Variants in TFAP2E observed in about 807,000 individuals in gnomAD.
TFAP2E encodes transcription factor AP-2-epsilon.
In TFAP2E, 30 loss-of-function variants were observed where a neutral mutation model predicts 37.9. The ratio of observed to expected loss-of-function variants is 0.79; its 90% CI spans 0.59 to 1.07. The LOEUF is 1.07. Ranked by LOEUF, TFAP2E falls within the 50% of genes least tolerant of loss-of-function variation. The pLI is 0.00. For synonymous variants in TFAP2E, 318 were observed against 295.8 expected, an observed-to-expected ratio of 1.08 and a Z score of -0.77; for missense variants, 567 against 637.9, an observed-to-expected ratio of 0.89 and a Z score of 1.20.
intron 6 of TFAP2E, among the ~76,000 whole-genome samples, chr1:35,592,180 G>T (rs1405926295): frequency 1.3e-5 from 2 of 151,968 alleles, no homozygotes; most frequent in Non-Finnish European, 2.9e-5. Context: ...AGCTACTTGG[G>T]AGGCTGAGGT....
In TFAP2E at chr1:35,577,262, C is replaced by T. The variant is rs1037987419; in HGVS notation, c.562+2262C>T. 2.4e-6 allele frequency: 1 copy of T among 412,768 alleles called. No homozygotes were observed. The highest frequency in any genetic ancestry group is 2.0e-5 in the African/African-American group (1 of 49,246). The allele number at this position is 412,768 out of a possible 1,614,324, so 25.6% of individuals were successfully genotyped here. ...GCTGCGGCGGCGAGGCAGGTGGGCT[C>T]CTTGCTCCCTGGAGCCGCCCCTCCC... On this transcript the variant is annotated intron_variant, in intron 3 of 6. Transcript: ENST00000373235. The surrounding 1 kb of genome is among the most constrained non-coding windows in gnomAD (Gnocchi z 6.3).
intron 6 of TFAP2E, among the ~76,000 whole-genome samples, chr1:35,592,684 C>T (rs369133787): frequency 2.2e-4 from 33 of 152,296 alleles, no homozygotes; most frequent in African/African-American, 7.7e-4. Context: ...TGAGCCACCA[C>T]GCCCAGCCAA....
In TFAP2E at chr1:35,573,494, GCTC is replaced by G; in HGVS notation, c.-82_-80del. 1.4e-6 allele frequency: 2 copies of G among 1,395,012 alleles called. No homozygotes were observed. Among genetic ancestry groups the G allele is most frequent in the African/African-American group, 1.5e-5 (1 of 65,318 alleles). 86.4% of individuals were successfully genotyped at this position (1,395,012 alleles called of 1,614,324 possible). A position where few individuals can be genotyped will look rare whatever the true frequency, so the allele number is the denominator to read the frequency against. On this transcript the variant is annotated 5_prime_UTR_variant, in exon 1 of 7. Transcript: ENST00000373235. The surrounding 1 kb of genome is among the most constrained non-coding windows in gnomAD (Gnocchi z 5.9). ...ACCGTGACCTCCGCGGGCTGTGCCGGCTCCCGGCGCCTCTGCCCGCAGCGCTCG... is the reference window on the plus strand; with the variant it reads ...ACCGTGACCTCCGCGGGCTGTGCCGGCCGGCGCCTCTGCCCGCAGCGCTCG...
intron 6 of TFAP2E, among the ~76,000 whole-genome samples, chr1:35,594,031 A>G (rs948626379): frequency 1.3e-4 from 20 of 152,204 alleles, no homozygotes; most frequent in African/African-American, 4.6e-4. Flanking sequence ...GATAGCTTCA[A>G]AGACAAAGTT....
intron 3 of TFAP2E, among the ~76,000 whole-genome samples, chr1:35,584,290 A>G (rs1398955480): frequency 2.0e-5 from 3 of 151,918 alleles, no homozygotes; most frequent in African/African-American, 7.3e-5. Context: ...TTTTGTAGAG[A>G]TGAGGTCTCA....
chr1:35,590,098 G>GT lies in TFAP2E; in HGVS notation c.904+52dup. 6.4e-7 allele frequency: 1 copy of GT among 1,555,088 alleles called. No homozygotes were observed. Among genetic ancestry groups the GT allele is most frequent in the Non-Finnish European group, 8.9e-7 (1 of 1,127,556 alleles). ...TGGGAGTGGATGTGAGGGCAAGTGA[G>GT]TTGTCTGGTGTGACTGTCTCTAATG... On this transcript the variant is annotated intron_variant, in intron 5 of 6. Coordinates refer to ENST00000373235, the MANE Select transcript of TFAP2E (RefSeq NM_178548.4). This position sits in a 1 kb window ranked among gnomAD's most constrained non-coding sequence, Gnocchi z 6.2.
At chr1:35,579,476 T>C (rs1649284261) in intron 3 of TFAP2E, among the ~76,000 whole-genome samples, 1 of 151,936 alleles carries the variant, frequency 6.6e-6, no homozygotes, top group Non-Finnish European at 1.5e-5. Context: ...CGATCTCAGC[T>C]CACTGCAACC....
rs1649129394 is a variant in TFAP2E, at chr1:35,575,018, A to C, written c.562+18A>C. On this transcript the variant is annotated intron_variant, in intron 3 of 6. Coordinates refer to ENST00000373235, the MANE Select transcript of TFAP2E (RefSeq NM_178548.4). ...CAAGAAAGGTAAGGAATGGTCTGTC[A>C]GGGCAGAGCCCGGCGAGATGGTGCA... is the stretch of plus-strand genomic sequence containing the variant. The C allele has an allele frequency of 6.2e-7, 1 of 1,613,800 alleles. No individual in the cohort carries two copies.
intron 3 of TFAP2E, among the ~76,000 whole-genome samples, chr1:35,586,941 G>C (rs1336828159): frequency 2.0e-5 from 3 of 152,232 alleles, no homozygotes; most frequent in Non-Finnish European, 4.4e-5. Flanking sequence ...GCAGTCTTGG[G>C]TTTGCTACCG....
intron 3 of TFAP2E, among the ~76,000 whole-genome samples, chr1:35,587,303 C>G (rs1379623349): frequency 6.6e-6 from 1 of 152,198 alleles, no homozygotes; most frequent in African/African-American, 2.4e-5. Flanking sequence ...GCAGGAAGAA[C>G]TTTCTTTCTC....
Position 35,589,948 on chromosome 1 carries a change from G to C in TFAP2E, c.804G>C (p.Gly268=). Reference sequence around the variant, plus strand: ...TGTCAAGGGCCAAGTCCAAAAATGGGGGCCGGTGTTTGCGGGAACGGTTAG... The same window carrying C: ...TGTCAAGGGCCAAGTCCAAAAATGGCGGCCGGTGTTTGCGGGAACGGTTAG... ...GVLRRAKSKN[G]GRCLRERLEK... Residue 268 remains glycine (G), a synonymous_variant, in exon 5 of 7, where the codon GGG becomes GGC. Coordinates refer to ENST00000373235, the MANE Select transcript of TFAP2E (RefSeq NM_178548.4). The C allele has an allele frequency of 6.2e-7, 1 of 1,614,046 alleles. No individual in the cohort carries two copies. The highest frequency in any genetic ancestry group is 8.5e-7 in the Non-Finnish European group (1 of 1,179,932).
rs979275824 is a variant in TFAP2E at position 35,586,050 on chromosome 1, A to C, written c.563-2280A>C. Reference sequence around the variant, plus strand: ...GGCAACAGAGCAAGACCCTGTCTCAAAAAAAAAAATGGTGGACACTAGGAA... The same window carrying C: ...GGCAACAGAGCAAGACCCTGTCTCACAAAAAAAAATGGTGGACACTAGGAA... On this transcript the variant is annotated intron_variant, in intron 3 of 6. Transcript: ENST00000373235. Among the ~76,000 whole-genome samples the C allele has an allele frequency of 2.2e-4, 21 of 94,402 alleles. No homozygotes were observed. In the African/African-American group the frequency reaches 2.8e-3, roughly 13 times the overall value. 61.9% of individuals were successfully genotyped at this position (94,402 alleles called of 152,430 possible). A position where few individuals can be genotyped will look rare whatever the true frequency, so the allele number is the denominator to read the frequency against.
chr1:35,588,247 T>C lies in TFAP2E; in HGVS notation c.563-83T>C. On this transcript the variant is annotated intron_variant, in intron 3 of 6. Coordinates refer to ENST00000373235, the MANE Select transcript of TFAP2E (RefSeq NM_178548.4). The surrounding 1 kb of genome is among the most constrained non-coding windows in gnomAD (Gnocchi z 5.1). ...CCTCACTGTGGCTCAGTTTCTCCCT[T>C]CATAAAGCAAGGATACCAGACCCTC... 7.1e-7 allele frequency: 1 copy of C among 1,399,214 alleles called. No homozygotes were observed. The highest frequency in any genetic ancestry group is 1.4e-5 in the South Asian group (1 of 73,316). 86.7% of individuals were successfully genotyped at this position (1,399,214 alleles called of 1,614,324 possible).
chr1:35,589,321 G>T (rs1649585455), intron 4 of TFAP2E, among the ~76,000 whole-genome samples: 1 of 150,852 alleles, frequency 6.6e-6, no homozygotes, highest in Non-Finnish European at 1.5e-5. Context: ...AGTCATAGGG[G>T]TTATCTCCTT....
In TFAP2E at chr1:35,594,638, A is replaced by G; in HGVS notation, c.1291A>G (p.Thr431Ala). The G allele has an allele frequency of 6.2e-7, 1 of 1,614,196 alleles. No homozygotes were observed. The change falls in exon 7 of 7, where the codon ACC (threonine) becomes GCC (alanine). Residue 431 changes from threonine (T) to alanine (A), a missense_variant. Transcript: ENST00000373235. ...LSSVGSGHGETKASEKDAKHR... is the reference protein window; with the variant it reads ...LSSVGSGHGEAKASEKDAKHR... ...CAGTGTGGGCAGTGGGCATGGTGAA[A>G]CCAAGGCTTCGGAGAAGGATGCCAA... is the stretch of plus-strand genomic sequence containing the variant.
intron 3 of TFAP2E, among the ~76,000 whole-genome samples, chr1:35,582,842 T>C (rs963224585): frequency 1.7e-4 from 26 of 152,230 alleles, no homozygotes; most frequent in African/African-American, 5.8e-4. Context: ...TAATAATATC[T>C]TTTGAGGTGC....
At position 35,595,262 on chromosome 1, in the gene TFAP2E, A is replaced by T. The variant is rs1442455104; in HGVS notation, c.*586A>T. 6.4e-6 allele frequency: 1 copy of T among 156,320 alleles called. No homozygotes were observed. The highest frequency in any genetic ancestry group is 1.4e-5 in the Non-Finnish European group (1 of 71,270). The allele number at this position is 156,320 out of a possible 1,614,324, so 9.7% of individuals were successfully genotyped here. On this transcript the variant is annotated 3_prime_UTR_variant, in exon 7 of 7. Coordinates refer to ENST00000373235, the MANE Select transcript of TFAP2E (RefSeq NM_178548.4). Reference sequence around the variant, plus strand: ...AGAACTTGAATCCAGGCTGCTGCTCATCATAGTCCTGTTGCTGTCTGTCCT... The same window carrying T: ...AGAACTTGAATCCAGGCTGCTGCTCTTCATAGTCCTGTTGCTGTCTGTCCT...
Position 35,590,616 on chromosome 1 carries a change from C to G in TFAP2E, c.905-18C>G. On this transcript the variant is annotated intron_variant, in intron 5 of 6. Coordinates refer to ENST00000373235, the MANE Select transcript of TFAP2E (RefSeq NM_178548.4). This position sits in a 1 kb window ranked among gnomAD's most constrained non-coding sequence, Gnocchi z 6.2. ...GCAGAGGTACACCCTGCAGTAGTGA[C>G]AGCTCCCCTCCCCCCAGGAGAGGCC... 1 of 1,454,914 alleles carries G rather than the reference C, an allele frequency of 6.9e-7. No individual in the cohort carries two copies. The highest frequency in any genetic ancestry group is 9.2e-7 in the Non-Finnish European group (1 of 1,091,024). The allele number at this position is 1,454,914 out of a possible 1,614,324, so 90.1% of individuals were successfully genotyped here.
At chr1:35,582,447 T>C (rs909104177) in intron 3 of TFAP2E, among the ~76,000 whole-genome samples, 1 of 151,872 alleles carries the variant, frequency 6.6e-6, no homozygotes, top group Non-Finnish European at 1.5e-5. Context: ...CAGTTTGTGG[T>C]TTATCGTTTT....
Sources: allele counts gnomAD v4.1 joint callset (sites outside exome capture counted in the v4.1 genomes callset), GRCh38; gene constraint gnomAD v4.1.1; non-coding constraint Gnocchi (gnomAD v3.1); transcripts MANE v1.5; gene names NCBI Gene and HGNC (gene_info 2026-07-23, HGNC 2026-07-21).